C3orf18: variants seen among roughly 807,000 people sequenced by gnomAD.
C3orf18 encodes chromosome 3 open reading frame 18, also known as uncharacterized protein C3orf18.
Under a neutral mutation model 14.1 loss-of-function variants are expected in C3orf18, and 12 were observed. The ratio of observed to expected loss-of-function variants is 0.85; its 90% CI spans 0.55 to 1.38. The LOEUF (loss-of-function observed/expected upper bound fraction) is 1.38, where lower values mean the gene tolerates loss of function less well. Among genes scored for constraint, C3orf18 ranks in the 40% most tolerant of loss-of-function variants. C3orf18 has a pLI of 0.00. For synonymous variants in C3orf18, 82 were observed against 87.9 expected (o/e 0.93, Z 0.38); for missense variants, 196 against 213.9 (o/e 0.92, Z 0.52).
intron 3 of C3orf18, chr3:50,562,406 A>G (rs958373531): frequency 1.1e-5 from 5 of 450,202 alleles, no homozygotes; most frequent in African/African-American, 1.0e-4. Context: ...AGAAAGGGAA[A>G]ACTTCAGCAC....
chr3:50,570,919 TCTCA>T, upstream of C3orf18: 1 of 491,726 alleles, frequency 2.0e-6, no homozygotes, highest in East Asian at 3.4e-5. Context: ...TCCTGGTTCC[TCTCA>T]CTCCCAGGGT....
rs778427597 is a variant in C3orf18, at chr3:50,558,861, A to G, written c.*796T>C. 1 of 1,289,780 alleles carries G rather than the reference A, an allele frequency of 7.8e-7. No individual in the cohort carries two copies. The highest frequency in any genetic ancestry group is 1.2e-5 in the South Asian group (1 of 81,012). The allele number at this position is 1,289,780 out of a possible 1,614,324, so 79.9% of individuals were successfully genotyped here. A position where few individuals can be genotyped will look rare whatever the true frequency, so the allele number is the denominator to read the frequency against. On this transcript the variant is annotated 3_prime_UTR_variant, in exon 6 of 6. Transcript: ENST00000357203. ...GACTTGGAGGGTGGGGCCAGTGTGG[A>G]CAATCTCATTCTGCCCGCTGTGCTG...
At chr3:50,560,452 GT>G (rs1318343273) in intron 5 of C3orf18, among the ~76,000 whole-genome samples, 1 of 152,224 alleles carries the variant, frequency 6.6e-6, no homozygotes, top group Non-Finnish European at 1.5e-5. Context: ...CTACTCAGAG[GT>G]ACCGCTGTCC....
In C3orf18 at chr3:50,566,000, A is replaced by G. The variant is rs1700267777; in HGVS notation, c.-163+6T>C. 3.2e-5 allele frequency: 12 copies of G among 374,114 alleles called. 1 individual carries two copies. The South Asian group carries it at 4.4e-4, about 14-fold the overall frequency. The allele number at this position is 374,114 out of a possible 1,614,324, so 23.2% of individuals were successfully genotyped here. A position where few individuals can be genotyped will look rare whatever the true frequency, so the allele number is the denominator to read the frequency against. On this transcript the variant is annotated splice_donor_region_variant and intron_variant, in intron 2 of 5. Transcript: ENST00000357203. This position sits in a 1 kb window ranked among gnomAD's most constrained non-coding sequence, Gnocchi z 4.4. ...GGGTAAGTTCAGGAGACATTAGGACACATACTTTACGTATCTACGGTGCCC... is the reference window on the plus strand; with the variant it reads ...GGGTAAGTTCAGGAGACATTAGGACGCATACTTTACGTATCTACGGTGCCC...
In C3orf18 at chr3:50,566,022, GC is replaced by G. The variant is rs1700270311; in HGVS notation, c.-180del. Reference sequence around the variant, plus strand: ...GACACATACTTTACGTATCTACGGTGCCCCTGTTTTTGGGAACAAAAATGAA... The same window carrying G: ...GACACATACTTTACGTATCTACGGTGCCCTGTTTTTGGGAACAAAAATGAA... On this transcript the variant is annotated 5_prime_UTR_variant, in exon 2 of 6. The change abolishes the stop of an existing upstream ORF in the 5' untranslated region. Coordinates refer to ENST00000357203, the MANE Select transcript of C3orf18 (RefSeq NM_016210.5). The G allele has an allele frequency of 3.8e-6, 1 of 265,990 alleles. No individual in the cohort carries two copies. The highest frequency in any genetic ancestry group is 7.2e-6 in the Non-Finnish European group (1 of 139,062). The allele number at this position is 265,990 out of a possible 1,614,324, so 16.5% of individuals were successfully genotyped here.
rs1025774343 is a variant in C3orf18 at position 50,567,638 on chromosome 3, G to T, written c.-427C>A. 4.6e-5 allele frequency: 7 copies of T among 152,256 alleles called. No homozygotes were observed. Among genetic ancestry groups the T allele is most frequent in the African/African-American group, 1.7e-4 (7 of 41,466 alleles). The allele number at this position is 152,256 out of a possible 1,614,324, so 9.4% of individuals were successfully genotyped here. A position where few individuals can be genotyped will look rare whatever the true frequency, so the allele number is the denominator to read the frequency against. On this transcript the variant is annotated 5_prime_UTR_variant, in exon 1 of 6. Coordinates refer to ENST00000357203, the MANE Select transcript of C3orf18 (RefSeq NM_016210.5). ...CCAGGCCCGCTACTGCGCACCAGCC[G>T]CATCCGCGAGCGCTGGCTCTGCCGG...
intron 3 of C3orf18, chr3:50,562,638 C>CGT (rs1217771331): frequency 2.3e-6 from 1 of 434,154 alleles, no homozygotes; most frequent in Non-Finnish European, 4.6e-6. Flanking sequence ...GACTCTGTAG[C>CGT]GTGTAGAGCA....
At chr3:50,560,327 G>T (rs1358851584) in intron 5 of C3orf18, among the ~76,000 whole-genome samples, 2 of 152,218 alleles carry the variant, frequency 1.3e-5, no homozygotes, top group East Asian at 1.9e-4. Flanking sequence ...TGGTCAGGCA[G>T]CCCAGTGGTT....
At position 50,558,307 on chromosome 3, in the gene C3orf18, CG is replaced by C. The variant is rs1699775233; in HGVS notation, c.*1349del. On this transcript the variant is annotated 3_prime_UTR_variant, in exon 6 of 6. Coordinates refer to ENST00000357203, the MANE Select transcript of C3orf18 (RefSeq NM_016210.5). ...ACAGTGACGGTGGAGAGGCTGGGCACGGGACATGCCTCTGTGCATGCTTGTG... is the reference window on the plus strand; with the variant it reads ...ACAGTGACGGTGGAGAGGCTGGGCACGGACATGCCTCTGTGCATGCTTGTG... The C allele has an allele frequency of 5.8e-6, 1 of 173,120 alleles. No individual in the cohort carries two copies. Among genetic ancestry groups the C allele is most frequent in the Non-Finnish European group, 1.2e-5 (1 of 80,864 alleles). The allele number at this position is 173,120 out of a possible 1,614,324, so 10.7% of individuals were successfully genotyped here.
intron 3 of C3orf18, among the ~76,000 whole-genome samples, chr3:50,563,881 G>A (rs902384107): frequency 1.3e-5 from 2 of 152,278 alleles, no homozygotes; most frequent in Non-Finnish European, 1.5e-5. Context: ...AACGAGGGCA[G>A]TTTCTAGGCC....
In C3orf18 at chr3:50,560,945, G is replaced by A. The variant is rs1207705598; in HGVS notation, c.380C>T (p.Ala127Val). ...HGRDAASVQA[A>V]TSVQAMQGKT... ...GCCCTGCATGGCCTGCACAGAAGTA[G>A]CAGCCTGTACAGAGGCGGCGTCCCG... The change falls in exon 5 of 6, where the codon GCT becomes GTT. Residue 127 changes from alanine to valine, a missense_variant. Transcript: ENST00000357203. 1.2e-6 allele frequency: 2 copies of A among 1,613,724 alleles called. No homozygotes were observed. The highest frequency in any genetic ancestry group is 1.1e-5 in the South Asian group (1 of 91,006).
At chr3:50,571,285 C>T (rs576388302), upstream of C3orf18, 13 of 1,611,874 alleles carry the variant, frequency 8.1e-6, no homozygotes, top group Middle Eastern at 1.7e-4. Context: ...CCCTGAGGCC[C>T]GGGAATCCAG....
At chr3:50,559,807 C>T in intron 5 of C3orf18, 70 bp from the exon 6 acceptor site, 1 of 981,488 alleles carries the variant, frequency 1.0e-6, no homozygotes, top group Non-Finnish European at 1.5e-6. Context: ...TGGTCACCTC[C>T]ACCCTCACTT....
Position 50,565,449 on chromosome 3 carries a change from C to T in C3orf18, c.234+17G>A. 1 of 1,577,120 alleles carries T rather than the reference C, an allele frequency of 6.3e-7. No individual in the cohort carries two copies. The highest frequency in any genetic ancestry group is 1.1e-5 in the South Asian group (1 of 90,170). On this transcript the variant is annotated intron_variant, in intron 3 of 5. Coordinates refer to ENST00000357203, the MANE Select transcript of C3orf18 (RefSeq NM_016210.5). This position sits in a 1 kb window ranked among gnomAD's most constrained non-coding sequence, Gnocchi z 4.4. ...CTAAACACTGATTATCCTCCCCCAG[C>T]CTACCCCAGCTCTCACCAAGGCCAC... is the stretch of plus-strand genomic sequence containing the variant.
In C3orf18 at chr3:50,561,736, G is replaced by A. The variant is rs142695114; in HGVS notation, c.246C>T (p.Ile82=). The A allele has an allele frequency of 1.6e-4, 254 of 1,613,756 alleles. 1 individual carries two copies. The Middle Eastern group carries it at 2.8e-3, about 18-fold the overall frequency. ...TGGGGAATTACCTCTTCTTCTTCCT[G>A]ATGTACAAAACCTGCAAGAGAAGGA... The part of the protein sequence containing the change: ...IGLAVALVLY[I]RKKKRLEKLR... The change falls in exon 4 of 6, where the codon ATC becomes ATT. Residue 82 remains isoleucine (I), a synonymous_variant. Coordinates refer to ENST00000357203, the MANE Select transcript of C3orf18 (RefSeq NM_016210.5).
chr3:50,568,701 C>A (rs550977482), upstream of C3orf18, among the ~76,000 whole-genome samples: 2 of 125,254 alleles, frequency 1.6e-5, no homozygotes, highest in East Asian at 4.5e-4. Flanking sequence ...CTTCAGCCTG[C>A]GCAACAAGAG....
In C3orf18 at chr3:50,558,583, GCA is replaced by G; in HGVS notation, c.*1072_*1073del. ...AGTGCAATCCCTCACCCACTTTCAG[GCA>G]GTCATAACTGCCCCCTCTAGCCTGC... On this transcript the variant is annotated 3_prime_UTR_variant, in exon 6 of 6. Transcript: ENST00000357203. 1.4e-6 allele frequency: 1 copy of G among 739,204 alleles called. No individual in the cohort carries two copies. The highest frequency in any genetic ancestry group is 1.9e-6 in the Non-Finnish European group (1 of 529,994). The allele number at this position is 739,204 out of a possible 1,614,324, so 45.8% of individuals were successfully genotyped here.
chr3:50,560,948 G>C lies in C3orf18; in HGVS notation c.377C>G (p.Ala126Gly), dbSNP rs1227944644. 6.2e-7 allele frequency: 1 copy of C among 1,613,784 alleles called. No homozygotes were observed. Among genetic ancestry groups the C allele is most frequent in the Non-Finnish European group, 8.5e-7 (1 of 1,179,936 alleles). ...EHGRDAASVQAATSVQAMQGK... is the reference protein window; with the variant it reads ...EHGRDAASVQGATSVQAMQGK... ...CTGCATGGCCTGCACAGAAGTAGCA[G>C]CCTGTACAGAGGCGGCGTCCCGCCC... The change falls in exon 5 of 6, where the codon GCT (alanine) becomes GGT (glycine). Residue 126 changes from alanine (A) to glycine (G), a missense_variant. Transcript: ENST00000357203.
chr3:50,565,549 C>T lies in C3orf18; in HGVS notation c.151G>A (p.Asp51Asn). 1 of 1,614,050 alleles carries T rather than the reference C, an allele frequency of 6.2e-7. No individual in the cohort carries two copies. Among genetic ancestry groups the T allele is most frequent in the Non-Finnish European group, 8.5e-7 (1 of 1,180,026 alleles). Residue 51 changes from aspartate to asparagine, a missense_variant, in exon 3 of 6, where the codon GAT becomes AAT. Asp to Asn is a conservative substitution (Grantham distance 23). Transcript: ENST00000357203. This position sits in a 1 kb window ranked among gnomAD's most constrained non-coding sequence, Gnocchi z 4.4. ...ATTFNDTRIP[D>N]AAGGTAGVGT... ...ACGCCGGCCGTGCCACCAGCTGCAT[C>T]AGGGATTCTGGTGTCATTAAAGGTG...
Sources: gnomAD v4.1 joint callset for allele counts (sites outside exome capture counted in the v4.1 genomes callset) on GRCh38, gnomAD v4.1.1 for gene constraint, Gnocchi (gnomAD v3.1) non-coding constraint, MANE v1.5 for transcripts, NCBI Gene and HGNC (gene_info 2026-07-23, HGNC 2026-07-21) for gene names.